Variants in ROBO1 observed in about 807,000 individuals in gnomAD.
ROBO1 encodes roundabout guidance receptor 1, also known as roundabout homolog 1.
Under a neutral mutation model 195.9 loss-of-function variants are expected in ROBO1, and 149 were observed. That is an observed-to-expected ratio of 0.76 (90% confidence interval 0.67 to 0.87). ROBO1 has a LOEUF of 0.87. Among genes scored for constraint, ROBO1 ranks in the 40% least tolerant of loss-of-function variants. The pLI, the probability that ROBO1 is intolerant of heterozygous loss-of-function variation, is 0.00. For missense variants in ROBO1, 1,933 were observed against 2,068.3 expected (o/e 0.93, Z 1.27); for synonymous variants, 816 against 733.2 (o/e 1.11, Z -1.82).
chr3:79,721,881 C>G (rs914538244), intron 1 of ROBO1, among the ~76,000 whole-genome samples: 1 of 152,108 alleles, frequency 6.6e-6, no homozygotes, highest in African/African-American at 2.4e-5. Context: ...AGTAAAGCCC[C>G]CCATTGTCCA....
intron 3 of ROBO1, among the ~76,000 whole-genome samples, chr3:79,042,104 T>C (rs994735715): frequency 1.3e-5 from 2 of 152,174 alleles, no homozygotes; most frequent in African/African-American, 4.8e-5. Context: ...AAGGCTACTA[T>C]TTATTAAGCA....
At chr3:78,725,189 G>A (rs745723140) in intron 5 of ROBO1, among the ~76,000 whole-genome samples, 4 of 152,134 alleles carry the variant, frequency 2.6e-5, no homozygotes, top group African/African-American at 7.2e-5. Context: ...ATAAGCGCTA[G>A]ACAGTGCTTA....
At chr3:79,243,004 C>A (rs1413507018) in intron 2 of ROBO1, among the ~76,000 whole-genome samples, 2 of 134,420 alleles carry the variant, frequency 1.5e-5, no homozygotes, top group African/African-American at 2.8e-5. Flanking sequence ...CCACAACATG[C>A]CCTGGTGTGT....
chr3:79,489,877 A>C (rs999395602), intron 2 of ROBO1, among the ~76,000 whole-genome samples: 2 of 152,070 alleles, frequency 1.3e-5, no homozygotes, highest in African/African-American at 4.8e-5. Context: ...AGTATTCATA[A>C]GTGTATTTTT....
chr3:78,931,859 C>T (rs1444990956), intron 4 of ROBO1, among the ~76,000 whole-genome samples: 4 of 151,810 alleles, frequency 2.6e-5, no homozygotes, highest in African/African-American at 9.7e-5. Flanking sequence ...CACTTTAGTC[C>T]CAGCTACTCA....
intron 3 of ROBO1, among the ~76,000 whole-genome samples, chr3:79,085,485 C>G (rs574764230): frequency 5.3e-4 from 80 of 152,184 alleles, no homozygotes; most frequent in African/African-American, 1.9e-3. Context: ...GTTTAAAGGG[C>G]GGATAGGCAA....
chr3:79,341,731 A>G (rs1263841410), intron 2 of ROBO1, among the ~76,000 whole-genome samples: 1 of 152,270 alleles, frequency 6.6e-6, no homozygotes, highest in African/African-American at 2.4e-5. Flanking sequence ...ATCTATTTAT[A>G]GTAGTTTTTT....
At chr3:79,168,186 C>T (rs940445964) in intron 2 of ROBO1, among the ~76,000 whole-genome samples, 2 of 152,028 alleles carry the variant, frequency 1.3e-5, no homozygotes, top group African/African-American at 4.8e-5. Context: ...TGGCTAATTG[C>T]GTATTCGGAG....
intron 2 of ROBO1, among the ~76,000 whole-genome samples, chr3:79,371,203 G>A (rs946023113): frequency 6.6e-6 from 1 of 152,130 alleles, no homozygotes; most frequent in African/African-American, 2.4e-5. Context: ...TGTATAACCA[G>A]TAACGAGATT....
intron 18 of ROBO1, 40 bp downstream of exon 18, chr3:78,657,058 G>C: frequency 1.3e-6 from 2 of 1,538,972 alleles, no homozygotes; most frequent in Non-Finnish European, 1.8e-6. Flanking sequence ...ACACATGGTA[G>C]AGTGAGAGAT....
chr3:78,805,883 AATT>A (rs1576201628), intron 4 of ROBO1, among the ~76,000 whole-genome samples: 1 of 152,168 alleles, frequency 6.6e-6, no homozygotes, highest in Non-Finnish European at 1.5e-5. Context: ...AAAATTATAA[AATT>A]ATTATACAGA....
intron 4 of ROBO1, among the ~76,000 whole-genome samples, chr3:78,806,349 T>C (rs962253139): frequency 1.3e-5 from 2 of 152,144 alleles, no homozygotes; most frequent in East Asian, 1.9e-4. Context: ...AGGTTTGAGG[T>C]ACCAGTGTCA....
chr3:79,585,972 A>AT (rs1317580902), intron 2 of ROBO1, among the ~76,000 whole-genome samples: 1 of 130,742 alleles, frequency 7.6e-6, no homozygotes, highest in Non-Finnish European at 1.7e-5. Context: ...AAATATTGGA[A>AT]AAAAAATACC....
intron 2 of ROBO1, among the ~76,000 whole-genome samples, chr3:79,209,438 C>T (rs1422541670): frequency 6.6e-6 from 1 of 152,122 alleles, no homozygotes; most frequent in Non-Finnish European, 1.5e-5. Context: ...GTGAATCATG[C>T]TTCTATAAAC....
chr3:79,475,086 G>C (rs1465818265), intron 2 of ROBO1, among the ~76,000 whole-genome samples: 3 of 151,324 alleles, frequency 2.0e-5, no homozygotes, highest in Admixed American at 1.3e-4. Context: ...TTCAGTAATA[G>C]TCATAAAATT....
intron 3 of ROBO1, among the ~76,000 whole-genome samples, chr3:79,060,416 C>A (rs1470621969): frequency 6.6e-6 from 1 of 151,980 alleles, no homozygotes; most frequent in African/African-American, 2.4e-5. Flanking sequence ...CTAATAAAAA[C>A]TTGCTGGTTT....
intron 4 of ROBO1, among the ~76,000 whole-genome samples, chr3:78,860,667 G>C (rs1576305261): frequency 6.6e-6 from 1 of 152,098 alleles, no homozygotes; most frequent in African/African-American, 2.4e-5. Context: ...ATCCCATGTG[G>C]CATCCCATGT....
chr3:78,973,128 T>C (rs772182040), intron 3 of ROBO1, among the ~76,000 whole-genome samples: 1 of 152,172 alleles, frequency 6.6e-6, no homozygotes, highest in East Asian at 1.9e-4. Context: ...TGCTGTCTTG[T>C]TGTTACTCCG....
chr3:79,062,383 T>C (rs908449310), intron 3 of ROBO1, among the ~76,000 whole-genome samples: 1 of 151,988 alleles, frequency 6.6e-6, no homozygotes, highest in African/African-American at 2.4e-5. Context: ...AATAGGAACA[T>C]TTTTACACCT....
Sources: gnomAD v4.1 joint callset for allele counts (sites outside exome capture counted in the v4.1 genomes callset) on GRCh38, gnomAD v4.1.1 for gene constraint, MANE v1.5 for transcripts, NCBI Gene and HGNC (gene_info 2026-07-23, HGNC 2026-07-21) for gene names.